OSBPL10: variants seen among roughly 807,000 people sequenced by gnomAD.
OSBPL10 encodes the protein oxysterol-binding protein-related protein 10.
OSBPL10 carries 49 observed loss-of-function variants against 81.7 expected under a neutral mutation model. The observed-to-expected ratio is 0.60, with a 90% confidence interval of 0.48 to 0.76. The LOEUF (loss-of-function observed/expected upper bound fraction) is 0.76, where lower values mean the gene tolerates loss of function less well. OSBPL10 is among the 30% of genes least tolerant of loss of function. The pLI is 0.00. For missense variants in OSBPL10, 923 were observed against 987.8 expected (o/e 0.93, Z 0.88); for synonymous variants, 419 against 383.6 (o/e 1.09, Z -1.08).
At chr3:31,947,092 C>T (rs575034419) in intron 1 of OSBPL10, among the ~76,000 whole-genome samples, 2 of 152,070 alleles carry the variant, frequency 1.3e-5, no homozygotes, top group Admixed American at 6.6e-5. Flanking sequence ...TACTAGAGAA[C>T]GAGACACAGC....
chr3:31,936,691 A>T (rs1474909388), intron 1 of OSBPL10, among the ~76,000 whole-genome samples: 1 of 152,164 alleles, frequency 6.6e-6, no homozygotes, highest in Non-Finnish European at 1.5e-5. Flanking sequence ...TTATTTCCTG[A>T]AGAAAAAAAA....
chr3:31,967,198 C>G (rs1452837141), intron 1 of OSBPL10, among the ~76,000 whole-genome samples: 2 of 152,116 alleles, frequency 1.3e-5, no homozygotes, highest in Admixed American at 6.5e-5. Flanking sequence ...CTTTCCAGCT[C>G]TGGACAGGAA....
chr3:31,805,865 C>T (rs939790070), intron 4 of OSBPL10, among the ~76,000 whole-genome samples: 4 of 152,158 alleles, frequency 2.6e-5, no homozygotes, highest in Non-Finnish European at 4.4e-5. Context: ...ATAACGATGA[C>T]GATGGTAGCA....
At position 31,786,827 on chromosome 3, in the gene OSBPL10, C is replaced by T. The variant is rs149241544; in HGVS notation, c.730-38707G>A. Among the ~76,000 whole-genome samples the T allele has an allele frequency of 5.6e-3, 852 of 152,288 alleles. 5 individuals carry two copies. The highest frequency in any genetic ancestry group is 5.6e-3 in the Non-Finnish European group (383 of 68,008). On this transcript the variant is annotated intron_variant, in intron 4 of 11. Coordinates refer to ENST00000396556, the MANE Select transcript of OSBPL10 (RefSeq NM_017784.5). ...ACATCATGGCACACTTCTCAGGTAACTCTCAGTTACTACGAGCTAGACTTT... is the reference window on the plus strand; with the variant it reads ...ACATCATGGCACACTTCTCAGGTAATTCTCAGTTACTACGAGCTAGACTTT...
intron 2 of OSBPL10, among the ~76,000 whole-genome samples, chr3:31,877,743 C>T (rs570846710): frequency 6.6e-6 from 1 of 152,214 alleles, no homozygotes; most frequent in African/African-American, 2.4e-5. Flanking sequence ...ATGAAGATGG[C>T]CCCTACAAAT....
At chr3:31,815,850 A>G (rs116327033) in intron 4 of OSBPL10, among the ~76,000 whole-genome samples, 1 of 152,160 alleles carries the variant, frequency 6.6e-6, no homozygotes, top group African/African-American at 2.4e-5. Context: ...TCCAAAATAC[A>G]ATATGTTATT....
chr3:31,737,120 T>G (rs2100543), intron 5 of OSBPL10, among the ~76,000 whole-genome samples: 63,995 of 151,876 alleles, frequency 0.42, 14,012 homozygotes, highest in East Asian at 0.71. Context: ...ACAAGGAAAG[T>G]TGGCAATGCA....
chr3:31,941,006 C>G (rs1032561787), intron 1 of OSBPL10, among the ~76,000 whole-genome samples: 2 of 152,146 alleles, frequency 1.3e-5, no homozygotes, highest in Non-Finnish European at 2.9e-5. Flanking sequence ...TCCCTGAGCA[C>G]AGGGTCTCCA....
chr3:31,692,538 C>T (rs936907908), intron 7 of OSBPL10, among the ~76,000 whole-genome samples: 3 of 151,922 alleles, frequency 2.0e-5, no homozygotes, highest in Non-Finnish European at 4.4e-5. Context: ...ACCCCGAGAC[C>T]ACCTCTGACA....
intron 1 of OSBPL10, among the ~76,000 whole-genome samples, chr3:32,067,456 C>T (rs1216966980): frequency 6.6e-6 from 1 of 152,128 alleles, no homozygotes. Context: ...CTAAGTATTA[C>T]AAAAACAACC....
At chr3:31,880,121 A>G (rs1695516725) in intron 1 of OSBPL10, among the ~76,000 whole-genome samples, 1 of 152,160 alleles carries the variant, frequency 6.6e-6, no homozygotes, top group South Asian at 2.1e-4. Flanking sequence ...ACCACATTAA[A>G]CCTCAGAATG....
At chr3:31,790,337 T>C (rs2125420854) in intron 4 of OSBPL10, among the ~76,000 whole-genome samples, 1 of 152,324 alleles carries the variant, frequency 6.6e-6, no homozygotes, top group South Asian at 2.1e-4. Context: ...CTCCAGGCCA[T>C]TTGGCAATAT....
intron 4 of OSBPL10, among the ~76,000 whole-genome samples, chr3:31,819,602 G>A (rs890287443): frequency 7.2e-5 from 11 of 152,198 alleles, no homozygotes; most frequent in Admixed American, 1.3e-4. Flanking sequence ...CTAGGAGGGC[G>A]AGACAGCCAT....
intron 3 of OSBPL10, among the ~76,000 whole-genome samples, chr3:31,846,853 G>A (rs1700647051): frequency 6.6e-6 from 1 of 152,012 alleles, no homozygotes; most frequent in African/African-American, 2.4e-5. Context: ...TTTTCCTCCT[G>A]TATCTGAGTG....
chr3:31,757,406 C>T (rs1697919421), intron 4 of OSBPL10, among the ~76,000 whole-genome samples: 1 of 152,140 alleles, frequency 6.6e-6, no homozygotes, highest in Admixed American at 6.6e-5. Flanking sequence ...TTAAGACCAG[C>T]AGTGAAGACA....
intron 1 of OSBPL10, among the ~76,000 whole-genome samples, chr3:31,909,838 C>T (rs1696521664): frequency 6.6e-6 from 1 of 152,042 alleles, no homozygotes; most frequent in African/African-American, 2.4e-5. Context: ...TGAAACAAAC[C>T]CCCTAACACC....
intron 4 of OSBPL10, among the ~76,000 whole-genome samples, chr3:31,774,451 C>T (rs1410885829): frequency 6.6e-6 from 1 of 152,150 alleles, no homozygotes; most frequent in Non-Finnish European, 1.5e-5. Context: ...GCAACAGAGG[C>T]AGATGGGCAA....
chr3:31,812,794 GAAAGAAAGAAA>G (rs1699733874), intron 4 of OSBPL10, among the ~76,000 whole-genome samples: 1 of 46,836 alleles, frequency 2.1e-5, no homozygotes, highest in African/African-American at 1.0e-4. Context: ...AAGAAAGAAA[GAAAGAAAGAAA>G]GAAAGAAAGA....
At chr3:31,953,815 T>A (rs1440534006) in intron 1 of OSBPL10, among the ~76,000 whole-genome samples, 1 of 152,140 alleles carries the variant, frequency 6.6e-6, no homozygotes. Context: ...GTGAAGATGT[T>A]CAAAAGCTCT....
Sources: gnomAD v4.1 joint callset for allele counts (sites outside exome capture counted in the v4.1 genomes callset) on GRCh38, gnomAD v4.1.1 for gene constraint, MANE v1.5 for transcripts, NCBI Gene and HGNC (gene_info 2026-07-23, HGNC 2026-07-21) for gene names.